HS2ST1: variants seen among roughly 807,000 people sequenced by gnomAD.
HS2ST1 encodes the protein 2-O-sulfotransferase.
In HS2ST1, 18 loss-of-function variants were observed where a neutral mutation model predicts 42.9. That is an observed-to-expected ratio of 0.42 (90% CI 0.29 to 0.62). HS2ST1 has a LOEUF of 0.62. Ranked by LOEUF, HS2ST1 falls within the 20% of genes least tolerant of loss-of-function variation. HS2ST1 has a pLI of 0.21. For missense variants in HS2ST1, 334 were observed against 433.8 expected, an observed-to-expected ratio of 0.77 and a Z score of 2.04; for synonymous variants, 146 against 152.9, an observed-to-expected ratio of 0.95 and a Z score of 0.33.
At chr1:87,014,789 G>T (rs934070427) in intron 1 of HS2ST1, among the ~76,000 whole-genome samples, 6 of 152,222 alleles carry the variant, frequency 3.9e-5, no homozygotes, top group South Asian at 2.1e-4. Flanking sequence ...CCTTTGACTC[G>T]TGTCACTCTT....
At chr1:87,048,790 C>T (rs1057398307) in intron 1 of HS2ST1, among the ~76,000 whole-genome samples, 6 of 152,066 alleles carry the variant, frequency 3.9e-5, no homozygotes, top group Non-Finnish European at 1.5e-5. Flanking sequence ...TTGACTTTTG[C>T]ATGTTAAACC....
In HS2ST1 at chr1:86,915,013, T is replaced by A; in HGVS notation, c.-24T>A. On this transcript the variant is annotated 5_prime_UTR_variant, in exon 1 of 7. Transcript: ENST00000370550. Reference sequence around the variant, plus strand: ...CCCGCTCCCCGCCCCCCGCGGTATGTCTTGATCCCGAGCAGCGGGTTTCAT... The same window carrying A: ...CCCGCTCCCCGCCCCCCGCGGTATGACTTGATCCCGAGCAGCGGGTTTCAT... The A allele has an allele frequency of 6.2e-7, 1 of 1,613,798 alleles. No individual in the cohort carries two copies. Among genetic ancestry groups the A allele is most frequent in the Non-Finnish European group, 8.5e-7 (1 of 1,179,940 alleles).
chr1:87,056,987 G>A (rs1557530740), intron 1 of HS2ST1, among the ~76,000 whole-genome samples: 1 of 152,112 alleles, frequency 6.6e-6, no homozygotes, highest in African/African-American at 2.4e-5. Context: ...GTATCTATAT[G>A]AGTCTGATTT....
intron 3 of HS2ST1, among the ~76,000 whole-genome samples, chr1:87,090,091 T>A (rs1291868247): frequency 6.6e-6 from 1 of 152,040 alleles, no homozygotes; most frequent in Non-Finnish European, 1.5e-5. Context: ...ATTAAAAACC[T>A]CTCAGCTCTG....
intron 1 of HS2ST1, among the ~76,000 whole-genome samples, chr1:86,923,089 A>G (rs1660334264): frequency 6.6e-6 from 1 of 152,200 alleles, no homozygotes; most frequent in African/African-American, 2.4e-5. Flanking sequence ...ATCCTTCTGC[A>G]GTATGTAATC....
chr1:86,966,790 A>G (rs4655920), intron 1 of HS2ST1, among the ~76,000 whole-genome samples: 21,206 of 152,150 alleles, frequency 0.14, 1,581 homozygotes, highest in African/African-American at 0.19. Context: ...TTATTTTGTT[A>G]AGAATACTGT....
At chr1:87,067,704 C>T (rs1257398051) in intron 1 of HS2ST1, among the ~76,000 whole-genome samples, 1 of 152,064 alleles carries the variant, frequency 6.6e-6, no homozygotes, top group Non-Finnish European at 1.5e-5. Flanking sequence ...GGTTTTAAGT[C>T]TTAGTTTAAG....
intron 1 of HS2ST1, among the ~76,000 whole-genome samples, chr1:86,982,885 A>G (rs1351982518): frequency 6.6e-6 from 1 of 152,148 alleles, no homozygotes; most frequent in East Asian, 1.9e-4. Flanking sequence ...GTCTCTCTCA[A>G]GTTCAAAGTT....
chr1:86,980,954 A>C (rs938686232), intron 1 of HS2ST1, among the ~76,000 whole-genome samples: 1 of 152,248 alleles, frequency 6.6e-6, no homozygotes. Flanking sequence ...TGCTATAAAA[A>C]ACACCTGAGA....
At chr1:86,915,691 C>G (rs1382153921) in intron 1 of HS2ST1, among the ~76,000 whole-genome samples, 4 of 152,204 alleles carry the variant, frequency 2.6e-5, no homozygotes, top group African/African-American at 9.7e-5. Context: ...TAGCGAGTTG[C>G]ACTCTTGTGC....
intron 5 of HS2ST1, among the ~76,000 whole-genome samples, chr1:87,098,783 T>G (rs911345327): frequency 1.3e-5 from 2 of 152,192 alleles, no homozygotes; most frequent in Middle Eastern, 3.2e-3. Flanking sequence ...TTCACCTGTT[T>G]TATTTTTTAT....
chr1:86,971,478 G>A (rs1411289162), intron 1 of HS2ST1, among the ~76,000 whole-genome samples: 1 of 152,078 alleles, frequency 6.6e-6, no homozygotes, highest in Non-Finnish European at 1.5e-5. Flanking sequence ...ATTGGACCTA[G>A]GGTGGGGTTT....
At chr1:86,917,153 A>G (rs1288290504) in intron 1 of HS2ST1, among the ~76,000 whole-genome samples, 1 of 152,144 alleles carries the variant, frequency 6.6e-6, no homozygotes, top group Non-Finnish European at 1.5e-5. Flanking sequence ...AGGAAACCAT[A>G]TTTTGACAAC....
At chr1:87,044,953 C>T (rs1231181038) in intron 1 of HS2ST1, 1 of 1,588,206 alleles carries the variant, frequency 6.3e-7, no homozygotes, top group East Asian at 2.2e-5. Flanking sequence ...ATGACATCAT[C>T]CAGCTCTTCC....
Position 87,073,106 on chromosome 1 carries a change from G to C in HS2ST1, c.297G>C (p.Lys99Asn). ...ATATCGCCTATGACCTGTGTGCAAA[G>C]AATAAATACCATGTCCTTCATATCA... is the stretch of plus-strand genomic sequence containing the variant. ...FTNIAYDLCA[K>N]NKYHVLHINT... Residue 99 changes from lysine (K) to asparagine (N), a missense_variant, in exon 2 of 7, where the codon AAG becomes AAC. Lys to Asn is a moderately conservative substitution (Grantham distance 94, BLOSUM62 0). Coordinates refer to ENST00000370550, the MANE Select transcript of HS2ST1 (RefSeq NM_012262.4). 1 of 1,614,052 alleles carries C rather than the reference G, an allele frequency of 6.2e-7. No individual in the cohort carries two copies. Among genetic ancestry groups the C allele is most frequent in the South Asian group, 1.1e-5 (1 of 91,080 alleles).
intron 1 of HS2ST1, among the ~76,000 whole-genome samples, chr1:87,033,025 A>G (rs1650275678): frequency 6.6e-6 from 1 of 152,144 alleles, no homozygotes; most frequent in African/African-American, 2.4e-5. Flanking sequence ...ATCATGATGA[A>G]CCTCCAGATT....
intron 1 of HS2ST1, among the ~76,000 whole-genome samples, chr1:86,922,419 T>TTGTGTGTGTGTGTGTGTGTG (rs150775849): frequency 2.0e-4 from 30 of 147,840 alleles, no homozygotes; most frequent in African/African-American, 4.5e-4. Flanking sequence ...GTTCTTCATT[T>TTGTGTGTGTGTGTGTGTGTG]TGTGTGTGTG....
chr1:87,035,867 A>C (rs1650361195), intron 1 of HS2ST1, among the ~76,000 whole-genome samples: 1 of 151,748 alleles, frequency 6.6e-6, no homozygotes, highest in Admixed American at 6.6e-5. Context: ...ACATGTGCAA[A>C]ACCTGCAGGT....
At chr1:87,056,219 T>C (rs540684580) in intron 1 of HS2ST1, among the ~76,000 whole-genome samples, 1 of 152,196 alleles carries the variant, frequency 6.6e-6, no homozygotes, top group South Asian at 2.1e-4. Context: ...GAAGCAAGAT[T>C]GCCTCTCGTG....
Sources: allele counts gnomAD v4.1 joint callset (sites outside exome capture counted in the v4.1 genomes callset), GRCh38; gene constraint gnomAD v4.1.1; transcripts MANE v1.5; gene names NCBI Gene and HGNC (gene_info 2026-07-23, HGNC 2026-07-21).